The following ADAMTS9 variants were observed in gnomAD, a reference collection of about 807,000 sequenced individuals.
ADAMTS9 encodes A disintegrin and metalloproteinase with thrombospondin motifs 9.
Under a neutral mutation model 257.1 loss-of-function variants are expected in ADAMTS9, and 107 were observed. The ratio of observed to expected loss-of-function variants is 0.42; its 90% CI spans 0.36 to 0.49. The LOEUF (loss-of-function observed/expected upper bound fraction) is 0.49, where lower values mean the gene tolerates loss of function less well. ADAMTS9 is among the 20% of genes least tolerant of loss of function. The pLI is 0.03. For missense variants in ADAMTS9, 2,353 were observed against 2,469.1 expected, an observed-to-expected ratio of 0.95 and a Z score of 1.00; for synonymous variants, 982 against 880.9, an observed-to-expected ratio of 1.11 and a Z score of -2.03.
chr3:64,556,630 G>A (rs1434145828), intron 30 of ADAMTS9, among the ~76,000 whole-genome samples: 2 of 152,138 alleles, frequency 1.3e-5, no homozygotes, highest in East Asian at 1.9e-4. Flanking sequence ...CTGCTTGACT[G>A]TTCTAAAAGT....
chr3:64,672,203 T>C (rs1664457186), intron 3 of ADAMTS9, among the ~76,000 whole-genome samples: 1 of 152,194 alleles, frequency 6.6e-6, no homozygotes, highest in African/African-American at 2.4e-5. Flanking sequence ...CCTATGAAGG[T>C]GAACACATTA....
chr3:64,522,088 C>CAAA, intron 39 of ADAMTS9, 78 bp downstream of exon 39: 1 of 1,244,552 alleles, frequency 8.0e-7, no homozygotes, highest in South Asian at 1.3e-5. Flanking sequence ...CCTGCCTGAT[C>CAAA]CTCCCACATT....
rs537708070 is a variant in ADAMTS9, at chr3:64,634,013, G to C, written c.1857-134C>G. The C allele has an allele frequency of 1.3e-4, 101 of 793,608 alleles. No homozygotes were observed. The African/African-American group carries it at 1.7e-3, about 13-fold the overall frequency. The allele number at this position is 793,608 out of a possible 1,614,324, so 49.2% of individuals were successfully genotyped here. A position where few individuals can be genotyped will look rare whatever the true frequency, so the allele number is the denominator to read the frequency against. ...TGGCAAATGACAGAGGAATGGGCAA[G>C]AGCTCTGATCCCTGGTTTTGCATCC... is the stretch of plus-strand genomic sequence containing the variant. On this transcript the variant is annotated intron_variant, in intron 12 of 39. Coordinates refer to ENST00000498707, the MANE Select transcript of ADAMTS9 (RefSeq NM_182920.2).
rs184580637 is a variant in ADAMTS9, at chr3:64,522,107, T to C, written c.*5+59A>G. 1.8e-5 allele frequency: 26 copies of C among 1,483,532 alleles called. No homozygotes were observed. In the African/African-American group the frequency reaches 3.2e-4, roughly 18 times the overall value. 91.9% of individuals were successfully genotyped at this position (1,483,532 alleles called of 1,614,324 possible). On this transcript the variant is annotated intron_variant, in intron 39 of 39. Transcript: ENST00000498707. ...CCTGATCCTCCCACATTTGCTCATA[T>C]AGGCTACAGAAAAAAATAAAAGACA...
chr3:64,581,173 T>C (rs773016384), intron 28 of ADAMTS9, among the ~76,000 whole-genome samples: 1 of 152,154 alleles, frequency 6.6e-6, no homozygotes. Flanking sequence ...TATTTTCCAC[T>C]TCTAGTCAAA....
At chr3:64,548,452 G>A (rs1432035274) in intron 31 of ADAMTS9, among the ~76,000 whole-genome samples, 1 of 152,198 alleles carries the variant, frequency 6.6e-6, no homozygotes, top group Non-Finnish European at 1.5e-5. Context: ...CAAGCTGTGG[G>A]TAATCTTAGT....
At chr3:64,620,101 T>C (rs1700069168) in intron 19 of ADAMTS9, among the ~76,000 whole-genome samples, 1 of 152,200 alleles carries the variant, frequency 6.6e-6, no homozygotes, top group South Asian at 2.1e-4. Flanking sequence ...TCAGTGACAC[T>C]GGGTAGAGGC....
intron 39 of ADAMTS9, among the ~76,000 whole-genome samples, chr3:64,518,764 ATTTTTTTTTTTTT>A (rs61286740): frequency 1.5e-5 from 1 of 65,292 alleles, no homozygotes; most frequent in African/African-American, 5.0e-5. Flanking sequence ...TTACCTTTTC[ATTTTTTTTTTTTT>A]TTTTTTTTTT....
At chr3:64,589,079 T>C (rs1423272817) in intron 28 of ADAMTS9, 4 of 152,234 alleles carry the variant, frequency 2.6e-5, no homozygotes, top group Admixed American at 6.5e-5. Context: ...AAAAAATACA[T>C]ATGCATTTAA....
chr3:64,606,860 A>T, intron 23 of ADAMTS9, 100 bp downstream of exon 23: 1 of 1,479,038 alleles, frequency 6.8e-7, no homozygotes, highest in Non-Finnish European at 9.3e-7. Context: ...CTCTACTGAC[A>T]TACTTATCTA....
chr3:64,633,452 A>G lies in ADAMTS9; in HGVS notation c.2175+20T>C. 3 of 1,613,348 alleles carry G rather than the reference A, an allele frequency of 1.9e-6. No homozygotes were observed. The highest frequency in any genetic ancestry group is 2.5e-6 in the Non-Finnish European group (3 of 1,179,640). ...TGGCAGCGGGAAAACACAGTGAAGA[A>G]AACACCATCAAGGACTTACCCGGCA... On this transcript the variant is annotated intron_variant, in intron 14 of 39. Transcript: ENST00000498707.
At chr3:64,662,212 G>A (rs1701240924) in intron 3 of ADAMTS9, among the ~76,000 whole-genome samples, 1 of 151,874 alleles carries the variant, frequency 6.6e-6, no homozygotes, top group Admixed American at 6.6e-5. Context: ...ATACTTTTGA[G>A]CTTCTCATTT....
chr3:64,611,034 C>G (rs1366019322), intron 22 of ADAMTS9, among the ~76,000 whole-genome samples: 1 of 145,366 alleles, frequency 6.9e-6, no homozygotes, highest in Non-Finnish European at 1.5e-5. Flanking sequence ...CGAGATGGCG[C>G]CACTGCACAC....
intron 28 of ADAMTS9, among the ~76,000 whole-genome samples, chr3:64,578,033 T>G (rs1389647780): frequency 6.6e-6 from 1 of 152,236 alleles, no homozygotes; most frequent in Non-Finnish European, 1.5e-5. Flanking sequence ...AAGCAGCTTA[T>G]GTAATTAATT....
chr3:64,574,248 G>A (rs2083771946), intron 28 of ADAMTS9, among the ~76,000 whole-genome samples: 1 of 152,104 alleles, frequency 6.6e-6, no homozygotes, highest in South Asian at 2.1e-4. Context: ...CTTTCATTGT[G>A]TTCTTATTAT....
At chr3:64,616,192 A>G (rs1191728199) in intron 19 of ADAMTS9, 22 bp from the exon 20 acceptor site, 8 of 1,611,964 alleles carry the variant, frequency 5.0e-6, no homozygotes, top group Non-Finnish European at 6.8e-6. Context: ...TAATGGGGCA[A>G]AACCAACATT....
At chr3:64,617,861 C>A (rs545574358) in intron 19 of ADAMTS9, among the ~76,000 whole-genome samples, 3 of 152,234 alleles carry the variant, frequency 2.0e-5, no homozygotes, top group South Asian at 2.1e-4. Context: ...CACAACCATG[C>A]GTTTGGAAAA....
chr3:64,681,317 A>G lies in ADAMTS9; in HGVS notation c.563T>C (p.Leu188Pro). The G allele has an allele frequency of 1.2e-6, 2 of 1,613,788 alleles. No homozygotes were observed. Among genetic ancestry groups the G allele is most frequent in the Non-Finnish European group, 1.7e-6 (2 of 1,179,810 alleles). ...ATCTTCTTGTTCATCCATAGACTGT[A>G]GTGGTTCAATAAAATAATCCCCATC... ...SHDGDYFIEP[L>P]QSMDEQEDEE... The change falls in exon 3 of 40, where the codon CTA becomes CCA. Residue 188 changes from leucine (L) to proline (P), a missense_variant. This residue lies in a region of ADAMTS9 where 591 missense variants were observed against 569.6 expected (regional missense o/e 1.04). Coordinates refer to ENST00000498707, the MANE Select transcript of ADAMTS9 (RefSeq NM_182920.2).
chr3:64,609,944 G>C (rs926298745), intron 22 of ADAMTS9, among the ~76,000 whole-genome samples: 1 of 152,046 alleles, frequency 6.6e-6, no homozygotes, highest in African/African-American at 2.4e-5. Flanking sequence ...ATAAAATCTA[G>C]AGTCCAGAAA....
Sources: allele counts gnomAD v4.1 joint callset (sites outside exome capture counted in the v4.1 genomes callset), GRCh38; gene constraint gnomAD v4.1.1; regional missense constraint gnomAD v4.1.1; transcripts MANE v1.5; gene names NCBI Gene and HGNC (gene_info 2026-07-23, HGNC 2026-07-21).